Variants in ACYP2 observed in about 807,000 individuals in gnomAD.
The protein encoded by ACYP2 is acylphosphatase 2.
A neutral mutation model predicts 11.2 loss-of-function variants in ACYP2; 12 were observed. The ratio of observed to expected loss-of-function variants is 1.08; its 90% CI spans 0.69 to 1.74. The LOEUF is 1.74. Ranked by LOEUF, ACYP2 falls within the 40% of genes most tolerant of loss-of-function variation. The probability of loss-of-function intolerance (pLI) is 0.00; values close to 1 mark genes in which losing one functional copy is unlikely to be tolerated. For missense variants in ACYP2, 134 were observed against 101.9 expected (o/e 1.31, Z -1.35); for synonymous variants, 43 against 32.2 (o/e 1.33, Z -1.13).
chr2:54,064,087 T>A (rs1336433024), intron 4 of ACYP2, among the ~76,000 whole-genome samples: 3 of 152,188 alleles, frequency 2.0e-5, no homozygotes, highest in Admixed American at 2.0e-4. Flanking sequence ...GCTCAAGTGG[T>A]CCTCCTGCCT....
chr2:54,162,858 C>G (rs556472121), intron 6 of ACYP2, among the ~76,000 whole-genome samples: 26 of 152,116 alleles, frequency 1.7e-4, no homozygotes, highest in Non-Finnish European at 3.4e-4. Context: ...CGTTGTGATG[C>G]ACACCTGTGG....
At chr2:54,050,178 T>G (rs965164420) in intron 2 of ACYP2, among the ~76,000 whole-genome samples, 4 of 152,170 alleles carry the variant, frequency 2.6e-5, no homozygotes, top group Admixed American at 2.6e-4. Context: ...GAAACCAAAT[T>G]TTTTTCATGA....
intron 2 of ACYP2, among the ~76,000 whole-genome samples, chr2:54,015,377 G>A (rs747699700): frequency 6.6e-6 from 1 of 151,438 alleles, no homozygotes; most frequent in Non-Finnish European, 1.5e-5. Context: ...GTGTGGTGGT[G>A]CATGCCTGTA....
intron 2 of ACYP2, among the ~76,000 whole-genome samples, chr2:54,041,687 G>T (rs945467259): frequency 6.6e-6 from 1 of 152,212 alleles, no homozygotes; most frequent in Non-Finnish European, 1.5e-5. Context: ...GTCAGAGGCG[G>T]CAAGGGAGCT....
intron 6 of ACYP2, among the ~76,000 whole-genome samples, chr2:54,208,953 T>G (rs771425203): frequency 3.3e-5 from 5 of 151,950 alleles, no homozygotes; most frequent in Admixed American, 6.6e-5. Context: ...ATTAAAGTAT[T>G]GAGGAAATGA....
chr2:54,051,009 G>C lies in ACYP2; in HGVS notation c.114G>C (p.Lys38Asn), dbSNP rs777116115. The C allele has an allele frequency of 2.2e-6, 1 of 454,894 alleles. No homozygotes were observed. The highest frequency in any genetic ancestry group is 2.0e-5 in the African/African-American group (1 of 49,584). 28.2% of individuals were successfully genotyped at this position (454,894 alleles called of 1,614,324 possible). A position where few individuals can be genotyped will look rare whatever the true frequency, so the allele number is the denominator to read the frequency against. ...GCTGTTCTAGAACTCCTAATGTCAAGCTATCCTCCTGCCTCGGCCTCCCAT... is the reference window on the plus strand; with the variant it reads ...GCTGTTCTAGAACTCCTAATGTCAACCTATCCTCCTGCCTCGGCCTCCCAT... The change falls in exon 3 of 7, where the codon AAG becomes AAC. Residue 38 changes from lysine (K) to asparagine (N), a missense_variant. Physicochemically the swap from Lys to Asn is moderately conservative, Grantham distance 94. Transcript: ENST00000607452.
rs527355601 is a variant in ACYP2 at position 53,972,053 on chromosome 2, T to C, written c.-37+732T>C. On this transcript the variant is annotated intron_variant, in intron 1 of 6. Coordinates refer to ENST00000607452, the MANE Select transcript of ACYP2 (RefSeq NM_001320586.2). ...GGCCGGGCGCAGTGGCTCACGCCTG[T>C]AATCCCAGCACTTTGGGAGGCCGAG... 1.8e-3 allele frequency among the ~76,000 whole-genome samples: 274 copies of C among 152,362 alleles called. 2 individuals are homozygous for C. The highest frequency in any genetic ancestry group is 6.2e-3 in the African/African-American group (259 of 41,582).
intron 6 of ACYP2, among the ~76,000 whole-genome samples, chr2:54,180,138 T>G (rs985515268): frequency 3.3e-5 from 5 of 152,216 alleles, no homozygotes; most frequent in Admixed American, 3.3e-4. Context: ...GATTTAGAGA[T>G]GCATAGTGCA....
At chr2:54,072,531 TTTCC>T (rs1242816360) in intron 4 of ACYP2, among the ~76,000 whole-genome samples, 22 of 150,520 alleles carry the variant, frequency 1.5e-4, no homozygotes, top group African/African-American at 3.2e-4. Flanking sequence ...TCTTTCTTTC[TTTCC>T]TTCCTTCCTT....
At chr2:54,105,052 TG>T (rs572754939) in intron 4 of ACYP2, among the ~76,000 whole-genome samples, 8 of 152,316 alleles carry the variant, frequency 5.3e-5, no homozygotes, top group African/African-American at 1.9e-4. Flanking sequence ...AATATTCAGA[TG>T]TTTTTTGAAT....
At chr2:54,095,615 ACC>A (rs903993549) in intron 4 of ACYP2, among the ~76,000 whole-genome samples, 1 of 121,908 alleles carries the variant, frequency 8.2e-6, no homozygotes, top group Non-Finnish European at 1.7e-5. Flanking sequence ...TGGGGGGCTG[ACC>A]CCCCCACCTC....
intron 6 of ACYP2, among the ~76,000 whole-genome samples, chr2:54,218,471 A>G (rs17045664): frequency 0.017 from 2,625 of 152,280 alleles, 74 homozygotes; most frequent in African/African-American, 0.058. Context: ...TTATTTTTGT[A>G]TCTTCTGTGT....
chr2:54,211,045 G>C (rs1239263860), intron 6 of ACYP2, among the ~76,000 whole-genome samples: 1 of 152,178 alleles, frequency 6.6e-6, no homozygotes, highest in Admixed American at 6.5e-5. Context: ...TTTCCCTGAA[G>C]TCAACTGATG....
intron 6 of ACYP2, 85 bp from the exon 4 acceptor site, chr2:54,304,603 C>T: frequency 1.2e-6 from 1 of 838,496 alleles, no homozygotes; most frequent in Non-Finnish European, 1.9e-6. Context: ...AGGTAAACTC[C>T]CATTAATACC....
rs567645017 is a variant in ACYP2 at position 53,977,024 on chromosome 2, A to G, written c.62+3214A>G. 2.0e-5 allele frequency among the ~76,000 whole-genome samples: 3 copies of G among 151,998 alleles called. No homozygotes were observed. The East Asian group carries it at 5.8e-4, about 29-fold the overall frequency. ...AGAATTCCTATTAGACATTTGTTTT[A>G]CCTTCTCATTCTAATATCCATATTT... On this transcript the variant is annotated intron_variant, in intron 2 of 6. Transcript: ENST00000607452.
intron 4 of ACYP2, among the ~76,000 whole-genome samples, chr2:54,073,119 TA>T (rs1356448752): frequency 6.6e-6 from 1 of 152,192 alleles, no homozygotes; most frequent in African/African-American, 2.4e-5. Context: ...ACAACGGCGC[TA>T]AGACAATTCA....
At chr2:54,202,283 A>G (rs1376420640) in intron 6 of ACYP2, among the ~76,000 whole-genome samples, 1 of 138,742 alleles carries the variant, frequency 7.2e-6, no homozygotes, top group Non-Finnish European at 1.6e-5. Context: ...TAATTTTTGT[A>G]TTTTCAGTAG....
At chr2:54,194,614 C>G (rs150904583) in intron 6 of ACYP2, among the ~76,000 whole-genome samples, 167 of 151,932 alleles carry the variant, frequency 1.1e-3, no homozygotes, top group Non-Finnish European at 1.9e-3. Context: ...GTAATAAGTA[C>G]CATCAACATC....
chr2:54,235,350 C>T (rs843663), intron 6 of ACYP2, among the ~76,000 whole-genome samples: 84,894 of 151,132 alleles, frequency 0.56, 23,970 homozygotes, highest in South Asian at 0.66. Flanking sequence ...TTTTTTTGTT[C>T]TGTTTTGTTT....
Sources: gnomAD v4.1 joint callset for allele counts (sites outside exome capture counted in the v4.1 genomes callset) on GRCh38, gnomAD v4.1.1 for gene constraint, MANE v1.5 for transcripts, NCBI Gene and HGNC (gene_info 2026-07-23, HGNC 2026-07-21) for gene names.